MACROD2: variants seen among roughly 807,000 people sequenced by gnomAD.
MACROD2 encodes the protein ADP-ribose glycohydrolase MACROD2.
A neutral mutation model predicts 70.4 loss-of-function variants in MACROD2; 36 were observed. The ratio of observed to expected loss-of-function variants is 0.51; its 90% CI spans 0.39 to 0.68. The LOEUF (loss-of-function observed/expected upper bound fraction) is 0.68, where lower values mean the gene tolerates loss of function less well. Ranked by LOEUF, MACROD2 falls within the 30% of genes least tolerant of loss-of-function variation. The pLI, the probability that MACROD2 is intolerant of heterozygous loss-of-function variation, is 0.00. For missense variants in MACROD2, 496 were observed against 538.4 expected (o/e 0.92, Z 0.78); for synonymous variants, 172 against 178.8 (o/e 0.96, Z 0.30).
intron 7 of MACROD2, among the ~76,000 whole-genome samples, chr20:15,458,356 T>G (rs1471714217): frequency 6.6e-6 from 1 of 152,110 alleles, no homozygotes; most frequent in Non-Finnish European, 1.5e-5. Context: ...ATTTTTATGG[T>G]CAAACTCAGG....
intron 5 of MACROD2, among the ~76,000 whole-genome samples, chr20:14,897,306 T>A (rs543093150): frequency 6.6e-6 from 1 of 152,232 alleles, no homozygotes; most frequent in South Asian, 2.1e-4. Context: ...ATAATTACAG[T>A]CTTATCAAAT....
intron 7 of MACROD2, among the ~76,000 whole-genome samples, chr20:15,454,124 T>A (rs1429316061): frequency 1.3e-5 from 2 of 152,162 alleles, no homozygotes; most frequent in Non-Finnish European, 2.9e-5. Context: ...GAGGAGGCAA[T>A]TGTAATAGGT....
intron 8 of MACROD2, among the ~76,000 whole-genome samples, chr20:15,520,525 T>G (rs775936764): frequency 1.5e-4 from 20 of 134,140 alleles, no homozygotes; most frequent in Admixed American, 4.1e-4. Flanking sequence ...AACACATTTG[T>G]CACCCCTATG....
chr20:14,119,799 G>T (rs914924669), intron 3 of MACROD2, among the ~76,000 whole-genome samples: 2 of 152,190 alleles, frequency 1.3e-5, no homozygotes, highest in East Asian at 3.9e-4. Context: ...TAGTTATGCT[G>T]AATTTAAGAC....
At chr20:14,319,685 A>G (rs533250038) in intron 3 of MACROD2, among the ~76,000 whole-genome samples, 25 of 152,132 alleles carry the variant, frequency 1.6e-4, no homozygotes, top group Non-Finnish European at 2.9e-4. Flanking sequence ...CTTTACCCTG[A>G]TAACATTTTT....
chr20:15,816,550 A>G (rs1213710047), intron 8 of MACROD2, among the ~76,000 whole-genome samples: 2 of 152,202 alleles, frequency 1.3e-5, no homozygotes, highest in Admixed American at 6.5e-5. Flanking sequence ...AACTCATTAC[A>G]TGCAAGTAGA....
At chr20:15,370,963 G>A (rs771675104) in intron 6 of MACROD2, among the ~76,000 whole-genome samples, 30 of 152,094 alleles carry the variant, frequency 2.0e-4, no homozygotes, top group Non-Finnish European at 4.1e-4. Flanking sequence ...AGTTTTAACT[G>A]TAAATACAGT....
chr20:15,141,371 C>A (rs390502), intron 5 of MACROD2, among the ~76,000 whole-genome samples: 87,481 of 148,150 alleles, frequency 0.59, 25,926 homozygotes, highest in East Asian at 0.63. Flanking sequence ...TTCAGGTACT[C>A]GCATACATAC....
chr20:15,127,763 A>C (rs1200202493), intron 5 of MACROD2, among the ~76,000 whole-genome samples: 1 of 152,064 alleles, frequency 6.6e-6, no homozygotes, highest in Non-Finnish European at 1.5e-5. Flanking sequence ...CACAGGTAAC[A>C]TACCATGACT....
intron 8 of MACROD2, among the ~76,000 whole-genome samples, chr20:15,687,294 AT>A (rs2050240137): frequency 6.6e-6 from 1 of 150,598 alleles, no homozygotes; most frequent in South Asian, 2.1e-4. Context: ...TTGTATATAT[AT>A]ATATTTTATA....
intron 5 of MACROD2, among the ~76,000 whole-genome samples, chr20:14,991,149 T>A (rs6034079): frequency 0.017 from 2,591 of 152,182 alleles, 60 homozygotes; most frequent in African/African-American, 0.057. Context: ...TGAGACACTT[T>A]CCACCTTTCC....
intron 3 of MACROD2, among the ~76,000 whole-genome samples, chr20:14,270,046 C>T (rs975572275): frequency 2.6e-5 from 4 of 152,040 alleles, no homozygotes; most frequent in Non-Finnish European, 5.9e-5. Context: ...AATTATAGGG[C>T]AAGGCAGCTG....
chr20:14,301,416 T>C (rs568419204), intron 3 of MACROD2, among the ~76,000 whole-genome samples: 3 of 152,354 alleles, frequency 2.0e-5, no homozygotes, highest in African/African-American at 7.2e-5. Context: ...AAGACATTTA[T>C]AGTTTGGTCG....
chr20:15,503,033 C>T (rs2047383428), intron 8 of MACROD2, among the ~76,000 whole-genome samples: 1 of 152,152 alleles, frequency 6.6e-6, no homozygotes, highest in African/African-American at 2.4e-5. Flanking sequence ...GACTAAGTTC[C>T]AGGAGACAAG....
chr20:14,583,061 A>G (rs553694432), intron 4 of MACROD2, among the ~76,000 whole-genome samples: 1 of 77,888 alleles, frequency 1.3e-5, no homozygotes, highest in Non-Finnish European at 3.1e-5. Context: ...AGGCTCAGGA[A>G]CTAAGGACGT....
At chr20:14,258,944 A>G (rs1036224283) in intron 3 of MACROD2, among the ~76,000 whole-genome samples, 1 of 152,056 alleles carries the variant, frequency 6.6e-6, no homozygotes, top group African/African-American at 2.4e-5. Context: ...TAGTTAATTT[A>G]TTAATTTGTT....
At chr20:15,054,953 T>TG (rs1034829493) in intron 5 of MACROD2, among the ~76,000 whole-genome samples, 1 of 103,326 alleles carries the variant, frequency 9.7e-6, no homozygotes, top group Non-Finnish European at 2.2e-5. Flanking sequence ...TAGCTTTTTT[T>TG]TTTTTTTTTT....
chr20:14,717,138 C>T (rs16994831), intron 5 of MACROD2, among the ~76,000 whole-genome samples: 5,616 of 152,060 alleles, frequency 0.037, 363 homozygotes, highest in African/African-American at 0.13. Context: ...ATGAGATCTT[C>T]GAGTTTTTAA....
chr20:14,759,738 G>A (rs541785684), intron 5 of MACROD2, among the ~76,000 whole-genome samples: 1 of 152,110 alleles, frequency 6.6e-6, no homozygotes, highest in Non-Finnish European at 1.5e-5. Flanking sequence ...TCAGGACGTA[G>A]ATACGCAGGT....
Sources: gnomAD v4.1 joint callset for allele counts (sites outside exome capture counted in the v4.1 genomes callset) on GRCh38, gnomAD v4.1.1 for gene constraint, MANE v1.5 for transcripts, NCBI Gene and HGNC (gene_info 2026-07-23, HGNC 2026-07-21) for gene names.